STAU2: variants seen among roughly 807,000 people sequenced by gnomAD.
The protein encoded by STAU2 is staufen double-stranded RNA binding protein 2.
Under a neutral mutation model 65.9 loss-of-function variants are expected in STAU2, and 20 were observed. That is an observed-to-expected ratio of 0.30 (90% CI 0.21 to 0.44). The LOEUF (loss-of-function observed/expected upper bound fraction) is 0.44. Among genes scored for constraint, STAU2 ranks in the 20% least tolerant of loss-of-function variants. The probability of loss-of-function intolerance (pLI) is 1.00; values close to 1 mark genes in which losing one functional copy is unlikely to be tolerated. For synonymous variants in STAU2, 232 were observed against 233.9 expected (o/e 0.99, Z 0.07); for missense variants, 558 against 683.9 (o/e 0.82, Z 2.05).
chr8:73,665,684 T>C lies in STAU2; in HGVS notation c.410+7423A>G, dbSNP rs572076285. The stretch of plus-strand genomic sequence containing the variant: ...TGGTGGCAGAAACCAAAACTGTAGG[T>C]TTGTAACTGTTCATATCACTGCTGG... On this transcript the variant is annotated intron_variant, in intron 6 of 14. Transcript: ENST00000524300. 3.1e-4 allele frequency among the ~76,000 whole-genome samples: 47 copies of C among 152,196 alleles called. No homozygotes were observed. In the South Asian group the frequency reaches 9.1e-3, roughly 30 times the overall value.
intron 6 of STAU2, among the ~76,000 whole-genome samples, chr8:73,663,515 T>C (rs1816995918): frequency 6.6e-6 from 1 of 152,094 alleles, no homozygotes; most frequent in East Asian, 1.9e-4. Flanking sequence ...TCAGGTAGTG[T>C]GGGCCAGCCA....
At chr8:73,421,491 G>T in intron 14 of STAU2, 26 bp from the exon 15 acceptor site, 2 of 1,536,214 alleles carry the variant, frequency 1.3e-6, no homozygotes, top group Non-Finnish European at 1.7e-6. Context: ...ATTAACAAGA[G>T]CTGAAGGCCT....
At chr8:73,634,521 C>T (rs1258560892) in intron 6 of STAU2, among the ~76,000 whole-genome samples, 2 of 151,832 alleles carry the variant, frequency 1.3e-5, no homozygotes, top group African/African-American at 2.4e-5. Context: ...AGTGAGACAC[C>T]GTCTCAAAAA....
chr8:73,594,648 T>C (rs1438020856), intron 11 of STAU2, among the ~76,000 whole-genome samples: 1 of 152,202 alleles, frequency 6.6e-6, no homozygotes. Flanking sequence ...CATTAACTGT[T>C]GCAGAAAAAA....
At chr8:73,439,129 C>G (rs954176520) in intron 13 of STAU2, 1 of 432,406 alleles carries the variant, frequency 2.3e-6, no homozygotes. Flanking sequence ...ACTGACTCTT[C>G]GTGGGGAGAA....
At chr8:73,497,969 T>C (rs1821519433) in intron 13 of STAU2, among the ~76,000 whole-genome samples, 1 of 151,884 alleles carries the variant, frequency 6.6e-6, no homozygotes, top group African/African-American at 2.4e-5. Flanking sequence ...TGAAAGCTGG[T>C]AATGATACAA....
chr8:73,466,248 T>C (rs1819646002), intron 13 of STAU2, among the ~76,000 whole-genome samples: 1 of 152,220 alleles, frequency 6.6e-6, no homozygotes, highest in Admixed American at 6.5e-5. Context: ...TTTAGACTCA[T>C]GGAGTTACCC....
chr8:73,565,907 T>A (rs1233285573), intron 12 of STAU2, among the ~76,000 whole-genome samples: 1 of 152,198 alleles, frequency 6.6e-6, no homozygotes, highest in African/African-American at 2.4e-5. Flanking sequence ...AAAGTAGTAG[T>A]TTCCAAGAAC....
intron 13 of STAU2, among the ~76,000 whole-genome samples, chr8:73,532,229 G>A (rs1040780683): frequency 6.6e-6 from 1 of 152,164 alleles, no homozygotes; most frequent in African/African-American, 2.4e-5. Flanking sequence ...TCACATGACA[G>A]ATAGCAGTCC....
At chr8:73,463,731 A>C (rs571664943) in intron 13 of STAU2, among the ~76,000 whole-genome samples, 1 of 152,338 alleles carries the variant, frequency 6.6e-6, no homozygotes, top group Non-Finnish European at 1.5e-5. Context: ...TGTTTATCTC[A>C]TATCTGGAAT....
chr8:73,548,541 G>A (rs1297626523), intron 13 of STAU2, among the ~76,000 whole-genome samples: 2 of 152,144 alleles, frequency 1.3e-5, no homozygotes, highest in African/African-American at 2.4e-5. Flanking sequence ...TGTATTCAGC[G>A]TGAATTATAT....
chr8:73,603,138 G>C (rs1262648544), intron 10 of STAU2, among the ~76,000 whole-genome samples: 1 of 152,142 alleles, frequency 6.6e-6, no homozygotes, highest in Non-Finnish European at 1.5e-5. Flanking sequence ...AAGATGAATA[G>C]GTAGGGGTTG....
chr8:73,669,400 A>C (rs1210292322), intron 6 of STAU2, among the ~76,000 whole-genome samples: 2 of 152,190 alleles, frequency 1.3e-5, no homozygotes, highest in African/African-American at 4.8e-5. Context: ...CCCTCACAAC[A>C]ACCATAAGAA....
chr8:73,682,794 T>A (rs893883733), intron 5 of STAU2, among the ~76,000 whole-genome samples: 1 of 152,088 alleles, frequency 6.6e-6, no homozygotes, highest in African/African-American at 2.4e-5. Flanking sequence ...TAACAACTGA[T>A]ACCAGAGAAA....
intron 13 of STAU2, among the ~76,000 whole-genome samples, chr8:73,537,820 A>G (rs1806283026): frequency 6.6e-6 from 1 of 152,258 alleles, no homozygotes; most frequent in South Asian, 2.1e-4. Context: ...AAGTTTCTAA[A>G]TTATATTTGA....
chr8:73,597,167 A>G (rs1369693905), intron 10 of STAU2, among the ~76,000 whole-genome samples: 2 of 152,180 alleles, frequency 1.3e-5, no homozygotes, highest in African/African-American at 2.4e-5. Context: ...AAAGTTAGAA[A>G]AGCCAAAAGT....
chr8:73,531,287 C>A (rs1658064561), intron 13 of STAU2, among the ~76,000 whole-genome samples: 1 of 152,054 alleles, frequency 6.6e-6, no homozygotes, highest in Admixed American at 6.6e-5. Flanking sequence ...TAAAAGCTAG[C>A]CAGAAAACTA....
intron 13 of STAU2, chr8:73,439,217 C>T (rs1033000353): frequency 1.4e-5 from 5 of 354,810 alleles, no homozygotes; most frequent in Admixed American, 3.7e-5. Context: ...CAGCTGGCAC[C>T]GTGAGCTGGC....
At chr8:73,527,902 CTTTAAATA>C in intron 13 of STAU2, 1 of 54,792 alleles carries the variant, frequency 1.8e-5, no homozygotes. Flanking sequence ...ACAGAACACA[CTTTAAATA>C]TTTAAAACCT....
Sources: allele counts gnomAD v4.1 joint callset (sites outside exome capture counted in the v4.1 genomes callset), GRCh38; gene constraint gnomAD v4.1.1; transcripts MANE v1.5; gene names NCBI Gene and HGNC (gene_info 2026-07-23, HGNC 2026-07-21).